SEMA3A: variants seen among roughly 807,000 people sequenced by gnomAD.
SEMA3A encodes semaphorin-3A.
SEMA3A carries 29 observed loss-of-function variants against 97.9 expected under a neutral mutation model. That is an observed-to-expected ratio of 0.30 (90% CI 0.22 to 0.40). SEMA3A has a LOEUF of 0.40. SEMA3A is among the 10% of genes least tolerant of loss of function. The probability of loss-of-function intolerance (pLI) is 1.00; values close to 1 mark genes in which losing one functional copy is unlikely to be tolerated. For synonymous variants in SEMA3A, 321 were observed against 323.7 expected (o/e 0.99, Z 0.09); for missense variants, 763 against 951.3 (o/e 0.80, Z 2.60).
chr7:84,301,459 G>A (rs1484695298), intron 3 of SEMA3A, among the ~76,000 whole-genome samples: 1 of 151,922 alleles, frequency 6.6e-6, no homozygotes, highest in Non-Finnish European at 1.5e-5. Flanking sequence ...AAGAAGACAT[G>A]TAGATGGTAA....
At chr7:84,480,900 A>C (rs1366365943) in intron 1 of SEMA3A, among the ~76,000 whole-genome samples, 1 of 152,014 alleles carries the variant, frequency 6.6e-6, no homozygotes, top group Non-Finnish European at 1.5e-5. Context: ...AAATAAAATA[A>C]AATAAATAAA....
chr7:84,255,742 G>A (rs1411143122), intron 3 of SEMA3A, among the ~76,000 whole-genome samples: 3 of 151,860 alleles, frequency 2.0e-5, no homozygotes, highest in Admixed American at 6.6e-5. Flanking sequence ...ATGGCATATA[G>A]ATTAGTAGGC....
chr7:84,216,178 C>G (rs900721771), intron 3 of SEMA3A, among the ~76,000 whole-genome samples: 2 of 152,186 alleles, frequency 1.3e-5, no homozygotes, highest in Non-Finnish European at 2.9e-5. Flanking sequence ...ACCATCTTTG[C>G]TCACTGCCAC....
intron 3 of SEMA3A, among the ~76,000 whole-genome samples, chr7:84,237,055 C>A (rs890093361): frequency 4.0e-5 from 6 of 151,796 alleles, no homozygotes; most frequent in African/African-American, 1.5e-4. Flanking sequence ...TTTAAAACGA[C>A]CAAATAAATA....
At chr7:84,165,949 A>T (rs889324331) in intron 1 of SEMA3A, among the ~76,000 whole-genome samples, 3 of 152,128 alleles carry the variant, frequency 2.0e-5, no homozygotes, top group Non-Finnish European at 4.4e-5. Context: ...AAAATATAAA[A>T]TGTGGAGGGT....
chr7:84,474,062 C>T (rs540696452), intron 1 of SEMA3A, among the ~76,000 whole-genome samples: 1 of 152,194 alleles, frequency 6.6e-6, no homozygotes, highest in East Asian at 1.9e-4. Context: ...GTGGGAGAAT[C>T]CTAACTCTTT....
chr7:84,277,338 G>A (rs926003305), intron 3 of SEMA3A, among the ~76,000 whole-genome samples: 5 of 152,046 alleles, frequency 3.3e-5, no homozygotes, highest in Non-Finnish European at 1.5e-5. Context: ...AGATAGAGAC[G>A]TAAAGTTGTG....
intron 13 of SEMA3A, among the ~76,000 whole-genome samples, chr7:83,984,828 C>A (rs1789564247): frequency 6.6e-6 from 1 of 151,886 alleles, no homozygotes; most frequent in Admixed American, 6.6e-5. Flanking sequence ...CCTTTGAATT[C>A]ATGAAGTTTT....
At chr7:84,453,720 A>G (rs937635145) in intron 1 of SEMA3A, among the ~76,000 whole-genome samples, 3 of 152,192 alleles carry the variant, frequency 2.0e-5, no homozygotes, top group Non-Finnish European at 2.9e-5. Flanking sequence ...TATCTCAGTA[A>G]TAAGTACTCT....
intron 1 of SEMA3A, among the ~76,000 whole-genome samples, chr7:84,431,048 G>C (rs965929739): frequency 5.3e-5 from 8 of 151,860 alleles, no homozygotes; most frequent in Admixed American, 2.6e-4. Flanking sequence ...AGCTCTAAAA[G>C]CATTAGATAT....
At chr7:84,042,368 G>A (rs568311434) in intron 6 of SEMA3A, among the ~76,000 whole-genome samples, 5 of 152,102 alleles carry the variant, frequency 3.3e-5, no homozygotes, top group African/African-American at 4.8e-5. Flanking sequence ...GTGGGAAGGC[G>A]TCACACTCCA....
chr7:84,185,988 A>T (rs541202457), intron 1 of SEMA3A, among the ~76,000 whole-genome samples: 1 of 152,152 alleles, frequency 6.6e-6, no homozygotes, highest in Admixed American at 6.6e-5. Context: ...CTGTCAGTCA[A>T]ATATAGACAA....
chr7:84,042,447 G>A (rs184572220), intron 6 of SEMA3A, among the ~76,000 whole-genome samples: 3 of 152,058 alleles, frequency 2.0e-5, no homozygotes, highest in African/African-American at 2.4e-5. Context: ...TATTAAACCC[G>A]ACTCTGGCTG....
intron 2 of SEMA3A, among the ~76,000 whole-genome samples, chr7:84,329,295 A>C (rs1801853255): frequency 6.6e-6 from 1 of 152,054 alleles, no homozygotes; most frequent in South Asian, 2.1e-4. Flanking sequence ...TAGGTAAAAG[A>C]TGAGTTTTGA....
intron 14 of SEMA3A, among the ~76,000 whole-genome samples, chr7:83,980,276 T>TAAG (rs893386925): frequency 2.1e-4 from 32 of 152,014 alleles, no homozygotes; most frequent in African/African-American, 6.3e-4. Flanking sequence ...AAAATACTTT[T>TAAG]AAGTATTATC....
chr7:84,007,216 G>GTCTTGCTTTATTTTATAA (rs1361140022), intron 10 of SEMA3A, 137 bp downstream of exon 10: 1 of 617,426 alleles, frequency 1.6e-6, no homozygotes, highest in African/African-American at 1.9e-5. Flanking sequence ...GAAAATCTTT[G>GTCTTGCTTTATTTTATAA]TCTTGCTTTA....
intron 1 of SEMA3A, among the ~76,000 whole-genome samples, chr7:84,413,083 C>G (rs1379839840): frequency 1.3e-5 from 2 of 152,072 alleles, no homozygotes; most frequent in Non-Finnish European, 2.9e-5. Context: ...TTTAATTTTT[C>G]TATACATGCT....
chr7:84,069,451 T>C (rs1793660884), intron 4 of SEMA3A, among the ~76,000 whole-genome samples: 1 of 152,192 alleles, frequency 6.6e-6, no homozygotes, highest in Admixed American at 6.6e-5. Context: ...TGTTCTACTA[T>C]GATCAAAATA....
intron 4 of SEMA3A, among the ~76,000 whole-genome samples, chr7:84,079,798 T>C (rs543136253): frequency 5.5e-4 from 70 of 127,590 alleles, no homozygotes; most frequent in Admixed American, 9.2e-4. Flanking sequence ...AGTGTGGCGA[T>C]TCCTCAGGGA....
Sources: allele counts gnomAD v4.1 joint callset (sites outside exome capture counted in the v4.1 genomes callset), GRCh38; gene constraint gnomAD v4.1.1; transcripts MANE v1.5; gene names NCBI Gene and HGNC (gene_info 2026-07-23, HGNC 2026-07-21).